The following POTEJ variants were observed in gnomAD, a reference collection of about 807,000 sequenced individuals.
POTEJ encodes POTE ankyrin domain family, member J.
Under a neutral mutation model 69.0 loss-of-function variants are expected in POTEJ, and 11 were observed. The ratio of observed to expected loss-of-function variants is 0.16; its 90% CI spans 0.10 to 0.26. The LOEUF (loss-of-function observed/expected upper bound fraction) is 0.26, where lower values mean the gene tolerates loss of function less well. POTEJ is among the 10% of genes least tolerant of loss of function. The pLI, the probability that POTEJ is intolerant of heterozygous loss-of-function variation, is 1.00. For missense variants in POTEJ, 327 were observed against 1,045.5 expected, an observed-to-expected ratio of 0.31 and a Z score of 9.48; for synonymous variants, 117 against 381.1, an observed-to-expected ratio of 0.31 and a Z score of 8.07.
intron 13 of POTEJ, among the ~76,000 whole-genome samples, chr2:130,649,061 G>C (rs1346560960): frequency 1.4e-5 from 2 of 140,292 alleles, no homozygotes; most frequent in African/African-American, 5.8e-5. Context: ...TGACATGTTG[G>C]GATTACAGGC....
intron 13 of POTEJ, among the ~76,000 whole-genome samples, chr2:130,650,481 A>G (rs1421498359): frequency 6.6e-6 from 1 of 151,938 alleles, no homozygotes; most frequent in Non-Finnish European, 1.5e-5. Context: ...GGCCTAGCCT[A>G]TCAGACGTAG....
rs748930242 is a variant in POTEJ at position 130,657,032 on chromosome 2, C to T, written c.2272C>T (p.Arg758Cys). 2.1e-5 allele frequency: 34 copies of T among 1,582,346 alleles called. 1 individual carries two copies. Among genetic ancestry groups the T allele is most frequent in the South Asian group, 1.1e-4 (10 of 90,782 alleles). The change falls in exon 15 of 15, where the codon CGT becomes TGT. Residue 758 changes from arginine to cysteine, a missense_variant. Coordinates refer to ENST00000409602, the MANE Select transcript of POTEJ (RefSeq NM_001277083.2). ...IWHHTFYNELRVAPEEHPILL... is the reference protein window; with the variant it reads ...IWHHTFYNELCVAPEEHPILL... ...GCACCACACCTTCTACAACGAGCTG[C>T]GTGTGGCCCCCGAGGAGCACCCCAT...
chr2:130,646,114 C>T lies in POTEJ; in HGVS notation c.1486-15C>T. ...TGCCTAAAGTAGATAATTTCTTATT[C>T]TCTGTATTTTCCAGCTAGAAAATTT... On this transcript the variant is annotated splice_polypyrimidine_tract_variant and intron_variant, in intron 12 of 14. Transcript: ENST00000409602. 1.5e-6 allele frequency: 1 copy of T among 675,284 alleles called. No homozygotes were observed. The highest frequency in any genetic ancestry group is 2.4e-6 in the Non-Finnish European group (1 of 416,086). 41.8% of individuals were successfully genotyped at this position (675,284 alleles called of 1,614,324 possible). A position where few individuals can be genotyped will look rare whatever the true frequency, so the allele number is the denominator to read the frequency against.
chr2:130,630,885 C>T (rs546843434), intron 7 of POTEJ, among the ~76,000 whole-genome samples: 2 of 143,492 alleles, frequency 1.4e-5, no homozygotes, highest in Non-Finnish European at 3.0e-5. Context: ...GAATTTGCAT[C>T]TCTTTCTGTT....
intron 6 of POTEJ, among the ~76,000 whole-genome samples, chr2:130,626,704 G>C (rs1171119164): frequency 6.6e-6 from 1 of 152,170 alleles, no homozygotes; most frequent in South Asian, 2.1e-4. Context: ...TTTTGCAGTA[G>C]TCAGCTATAG....
chr2:130,643,600 A>G (rs1686477624), intron 10 of POTEJ, among the ~76,000 whole-genome samples: 1 of 144,828 alleles, frequency 6.9e-6, no homozygotes, highest in Admixed American at 7.0e-5. Context: ...GATGTTGTAC[A>G]CTAATAAAGG....
At chr2:130,647,013 G>T (rs1210221240) in intron 13 of POTEJ, among the ~76,000 whole-genome samples, 1 of 150,088 alleles carries the variant, frequency 6.7e-6, no homozygotes, top group Non-Finnish European at 1.5e-5. Flanking sequence ...TATGTTATAT[G>T]TATACTTATG....
chr2:130,655,712 A>G (rs1264587190), intron 14 of POTEJ, among the ~76,000 whole-genome samples: 2 of 150,660 alleles, frequency 1.3e-5, no homozygotes, highest in African/African-American at 2.5e-5. Flanking sequence ...GAAAATCTCT[A>G]TAAGTTGTAT....
chr2:130,650,014 A>G (rs1254576838), intron 13 of POTEJ, among the ~76,000 whole-genome samples: 2 of 152,372 alleles, frequency 1.3e-5, no homozygotes, highest in African/African-American at 4.8e-5. Context: ...AATGAAAAAA[A>G]AGAGAGATAA....
intron 10 of POTEJ, among the ~76,000 whole-genome samples, chr2:130,642,720 C>T (rs550246628): frequency 2.1e-4 from 32 of 152,262 alleles, no homozygotes; most frequent in Non-Finnish European, 1.2e-4. Flanking sequence ...ATCTTTAGCC[C>T]TTTTCCCTGT....
At chr2:130,637,744 A>T (rs1247504221) in intron 9 of POTEJ, among the ~76,000 whole-genome samples, 18 of 152,256 alleles carry the variant, frequency 1.2e-4, no homozygotes, top group Non-Finnish European at 2.4e-4. Flanking sequence ...TAAAAAAAAA[A>T]ATAAAAGTAG....
At chr2:130,639,401 G>A (rs1393314747) in intron 10 of POTEJ, among the ~76,000 whole-genome samples, 2 of 152,426 alleles carry the variant, frequency 1.3e-5, no homozygotes, top group South Asian at 2.1e-4. Flanking sequence ...TGAAAGAGAT[G>A]CATTTACTTT....
At chr2:130,614,167 G>GAA (rs71273213) in intron 1 of POTEJ, among the ~76,000 whole-genome samples, 1 of 51,980 alleles carries the variant, frequency 1.9e-5, no homozygotes, top group Non-Finnish European at 4.2e-5. Context: ...AAAAAAAAAA[G>GAA]AAAAAAAAAA....
intron 10 of POTEJ, among the ~76,000 whole-genome samples, chr2:130,640,692 T>A (rs1273606390): frequency 6.6e-6 from 1 of 151,994 alleles, no homozygotes; most frequent in Non-Finnish European, 1.5e-5. Flanking sequence ...GCAAGGGGCT[T>A]CCTGTAACAT....
At chr2:130,613,303 T>C (rs566337187) in intron 1 of POTEJ, among the ~76,000 whole-genome samples, 1 of 123,452 alleles carries the variant, frequency 8.1e-6, no homozygotes, top group Non-Finnish European at 1.6e-5. Flanking sequence ...TATATACATA[T>C]GTATATATAC....
rs564065205 is a variant in POTEJ at position 130,650,202 on chromosome 2, T to C, written c.1667+3892T>C. ...TGTCTTGACATCAACTCTGTTAACA[T>C]CATCATTTTTTAGAGTCTTTGATGT... On this transcript the variant is annotated intron_variant, in intron 13 of 14. Transcript: ENST00000409602. 2.0e-5 allele frequency among the ~76,000 whole-genome samples: 3 copies of C among 152,388 alleles called. No individual in the cohort carries two copies. In the East Asian group the frequency reaches 5.8e-4, roughly 29 times the overall value.
Position 130,624,582 on chromosome 2 carries a change from C to T in POTEJ, c.1015+448C>T, listed in dbSNP as rs578224845. On this transcript the variant is annotated intron_variant, in intron 6 of 14. Transcript: ENST00000409602. ...GAGCCATAGGGAGTGGCTGTAAATA[C>T]AGATGAAGCTTCCCTGGCTTGCCTG... Among the ~76,000 whole-genome samples the T allele has an allele frequency of 2.0e-5, 3 of 152,188 alleles. No individual in the cohort carries two copies. In the South Asian group the frequency reaches 6.2e-4, roughly 32 times the overall value.
chr2:130,613,266 A>ATATATATACATATGTATATATACG (rs1558915456), intron 1 of POTEJ, among the ~76,000 whole-genome samples: 29 of 51,306 alleles, frequency 5.7e-4, no homozygotes, highest in African/African-American at 7.4e-4. Flanking sequence ...ACATATATAC[A>ATATATATACATATGTATATATACG]TATATATACA....
At chr2:130,639,337 G>A (rs1439259299) in intron 10 of POTEJ, among the ~76,000 whole-genome samples, 6 of 152,428 alleles carry the variant, frequency 3.9e-5, no homozygotes, top group African/African-American at 1.2e-4. Context: ...TGTTACATAT[G>A]CTTGTGCCAA....
Sources: allele counts gnomAD v4.1 joint callset (sites outside exome capture counted in the v4.1 genomes callset), GRCh38; gene constraint gnomAD v4.1.1; transcripts MANE v1.5; gene names NCBI Gene and HGNC (gene_info 2026-07-23, HGNC 2026-07-21).